Variants in SMYD3 observed in about 807,000 individuals in gnomAD.
The protein encoded by SMYD3 is histone-lysine N-methyltransferase SMYD3.
Under a neutral mutation model 57.7 loss-of-function variants are expected in SMYD3, and 36 were observed. The observed-to-expected ratio is 0.62, with a 90% CI of 0.48 to 0.82. The LOEUF (loss-of-function observed/expected upper bound fraction) is 0.82, where lower values mean the gene tolerates loss of function less well. Ranked by LOEUF, SMYD3 falls within the 40% of genes least tolerant of loss-of-function variation. The probability of loss-of-function intolerance (pLI) is 0.00; values close to 1 mark genes in which losing one functional copy is unlikely to be tolerated. For missense variants in SMYD3, 515 were observed against 538.8 expected (o/e 0.96, Z 0.44); for synonymous variants, 211 against 195.0 (o/e 1.08, Z -0.68).
rs539319769 is a variant in SMYD3, at chr1:246,084,626, C to T, written c.532-154689G>A. ...TATGTTGATTCCCTCATTCATCAGG[C>T]AAATAAATTTATGACACGCACTTAC... On this transcript the variant is annotated intron_variant, in intron 5 of 11. Coordinates refer to ENST00000490107, the MANE Select transcript of SMYD3 (RefSeq NM_001167740.2). Among the ~76,000 whole-genome samples the T allele has an allele frequency of 8.5e-5, 13 of 152,264 alleles. No homozygotes were observed. The South Asian group carries it at 2.7e-3, about 32-fold the overall frequency.
At chr1:245,822,555 GAA>G (rs11431887) in intron 10 of SMYD3, among the ~76,000 whole-genome samples, 3,876 of 135,436 alleles carry the variant, frequency 0.029, 150 homozygotes, top group African/African-American at 0.094. Flanking sequence ...AATAATAAAA[GAA>G]AAAAAAAAAA....
chr1:245,830,737 TAC>T (rs1231134884), intron 10 of SMYD3, among the ~76,000 whole-genome samples: 1 of 152,212 alleles, frequency 6.6e-6, no homozygotes, highest in African/African-American at 2.4e-5. Context: ...TAATAAGATT[TAC>T]AGTTTGCTAG....
At position 245,954,004 on chromosome 1, in the gene SMYD3, C is replaced by CA. The variant is rs545569896; in HGVS notation, c.532-24068dup. Among the ~76,000 whole-genome samples, 530 of 152,164 alleles carry CA rather than the reference C, an allele frequency of 3.5e-3. 6 individuals are homozygous for CA. The highest frequency in any genetic ancestry group is 0.012 in the African/African-American group (514 of 41,502). On this transcript the variant is annotated intron_variant, in intron 5 of 11. Coordinates refer to ENST00000490107, the MANE Select transcript of SMYD3 (RefSeq NM_001167740.2). Reference sequence around the variant, plus strand: ...TTAAATCTGATAATCCTCTTTACTTCAAAAAATTAAAGAAGAAAGTGAAAG... The same window carrying CA: ...TTAAATCTGATAATCCTCTTTACTTCAAAAAAATTAAAGAAGAAAGTGAAAG...
chr1:245,928,522 A>AG (rs1247423625), intron 6 of SMYD3, among the ~76,000 whole-genome samples: 2 of 150,398 alleles, frequency 1.3e-5, no homozygotes, highest in Non-Finnish European at 3.0e-5. Context: ...AAATACAAAA[A>AG]AATTAGCTGG....
At chr1:246,187,825 C>A (rs557362391) in intron 5 of SMYD3, among the ~76,000 whole-genome samples, 98 of 152,166 alleles carry the variant, frequency 6.4e-4, no homozygotes, top group African/African-American at 2.3e-3. Flanking sequence ...ATGCAAAGTA[C>A]AAGAAACCCA....
At chr1:245,911,653 G>A (rs2054996808) in intron 8 of SMYD3, among the ~76,000 whole-genome samples, 1 of 152,026 alleles carries the variant, frequency 6.6e-6, no homozygotes, top group Non-Finnish European at 1.5e-5. Context: ...CATATCTCAT[G>A]TTCTCACTCA....
At chr1:246,149,942 A>G (rs2061915289) in intron 5 of SMYD3, among the ~76,000 whole-genome samples, 1 of 152,256 alleles carries the variant, frequency 6.6e-6, no homozygotes, top group South Asian at 2.1e-4. Flanking sequence ...ATGATTCTAC[A>G]CATTCTTTAT....
At chr1:245,949,369 T>C (rs2057538145) in intron 5 of SMYD3, among the ~76,000 whole-genome samples, 1 of 151,834 alleles carries the variant, frequency 6.6e-6, no homozygotes, top group South Asian at 2.1e-4. Context: ...CCCAGCAAAA[T>C]TTCACTGCAG....
intron 10 of SMYD3, among the ~76,000 whole-genome samples, chr1:245,832,627 TC>T (rs2049901905): frequency 6.6e-6 from 1 of 152,140 alleles, no homozygotes; most frequent in South Asian, 2.1e-4. Flanking sequence ...ACAGTTTGCA[TC>T]TAATCACTCT....
intron 1 of SMYD3, among the ~76,000 whole-genome samples, chr1:246,455,105 TTTTG>T (rs1368358470): frequency 3.3e-5 from 5 of 152,194 alleles, no homozygotes; most frequent in African/African-American, 7.2e-5. Context: ...ACCCAGCATT[TTTTG>T]TTTGTTTTTT....
intron 5 of SMYD3, among the ~76,000 whole-genome samples, chr1:246,131,368 C>A (rs539599256): frequency 4.6e-5 from 7 of 152,060 alleles, no homozygotes; most frequent in Non-Finnish European, 1.5e-5. Context: ...ATGTAAACAT[C>A]CAATCAGTCA....
chr1:245,858,900 G>A (rs1296747779), intron 9 of SMYD3, among the ~76,000 whole-genome samples: 1 of 152,138 alleles, frequency 6.6e-6, no homozygotes, highest in Non-Finnish European at 1.5e-5. Context: ...CCAGGCCTGT[G>A]CTTTGGAGTT....
chr1:245,877,790 T>C (rs1285060688), intron 8 of SMYD3, among the ~76,000 whole-genome samples: 1 of 152,160 alleles, frequency 6.6e-6, no homozygotes, highest in Non-Finnish European at 1.5e-5. Context: ...TAATATAAGA[T>C]GTCTGCAGAG....
intron 5 of SMYD3, among the ~76,000 whole-genome samples, chr1:246,046,474 A>C (rs1052073244): frequency 6.6e-6 from 1 of 151,864 alleles, no homozygotes; most frequent in South Asian, 2.1e-4. Flanking sequence ...GGGGCCTGTC[A>C]TGGGGCGGTG....
intron 5 of SMYD3, among the ~76,000 whole-genome samples, chr1:246,098,688 T>C (rs948730343): frequency 6.6e-5 from 10 of 152,328 alleles, no homozygotes; most frequent in South Asian, 4.1e-4. Flanking sequence ...GAATGTGACA[T>C]TGTATTTAGA....
intron 10 of SMYD3, among the ~76,000 whole-genome samples, chr1:245,833,531 C>G (rs777741840): frequency 6.6e-6 from 1 of 152,188 alleles, no homozygotes; most frequent in Non-Finnish European, 1.5e-5. Context: ...GTAAAGTACC[C>G]TTCTCATTAC....
intron 10 of SMYD3, among the ~76,000 whole-genome samples, chr1:245,854,792 CA>C (rs2051150099): frequency 1.3e-5 from 2 of 152,170 alleles, no homozygotes; most frequent in Admixed American, 1.3e-4. Flanking sequence ...CCCACGTGAA[CA>C]GTTCTGAAGG....
chr1:246,399,107 C>A (rs1036252580), intron 1 of SMYD3, among the ~76,000 whole-genome samples: 2 of 152,112 alleles, frequency 1.3e-5, no homozygotes, highest in Non-Finnish European at 2.9e-5. Context: ...CTGCAACCTC[C>A]GCCTCCCAGG....
chr1:245,929,581 G>C (rs764669516), intron 6 of SMYD3, among the ~76,000 whole-genome samples: 1 of 152,168 alleles, frequency 6.6e-6, no homozygotes, highest in Non-Finnish European at 1.5e-5. Context: ...TCAGCCCGAT[G>C]GTTAATTAGC....
Sources: gnomAD v4.1 joint callset for allele counts (sites outside exome capture counted in the v4.1 genomes callset) on GRCh38, gnomAD v4.1.1 for gene constraint, MANE v1.5 for transcripts, NCBI Gene and HGNC (gene_info 2026-07-23, HGNC 2026-07-21) for gene names.